Variants in RNF220 observed in about 807,000 individuals in gnomAD.
The protein encoded by RNF220 is E3 ubiquitin-protein ligase RNF220.
Under a neutral mutation model 67.1 loss-of-function variants are expected in RNF220, and 7 were observed. That is an observed-to-expected ratio of 0.10 (90% confidence interval 0.06 to 0.20). RNF220 has a LOEUF of 0.20. Ranked by LOEUF, RNF220 falls within the 10% of genes least tolerant of loss-of-function variation. The pLI is 1.00. For synonymous variants in RNF220, 270 were observed against 283.2 expected (o/e 0.95, Z 0.47); for missense variants, 565 against 740.3 (o/e 0.76, Z 2.75).
intron 2 of RNF220, among the ~76,000 whole-genome samples, chr1:44,603,713 T>A (rs1236222242): frequency 1.3e-5 from 2 of 152,244 alleles, no homozygotes; most frequent in African/African-American, 2.4e-5. Context: ...CTTTTCTTCC[T>A]CTACCTCCCT....
chr1:44,640,972 G>T (rs947357958), intron 8 of RNF220, among the ~76,000 whole-genome samples: 3 of 152,102 alleles, frequency 2.0e-5, no homozygotes, highest in African/African-American at 7.2e-5. Context: ...GTTCCAGGAC[G>T]ATACTGCCCC....
At chr1:44,560,820 C>T (rs941606271) in intron 2 of RNF220, among the ~76,000 whole-genome samples, 4 of 152,134 alleles carry the variant, frequency 2.6e-5, no homozygotes, top group Non-Finnish European at 4.4e-5. Context: ...CTCAGCCTCC[C>T]AAAGTGCTGG....
At chr1:44,636,355 T>C in intron 8 of RNF220, 193 bp downstream of exon 8, 1 of 777,534 alleles carries the variant, frequency 1.3e-6, no homozygotes, top group Non-Finnish European at 2.3e-6. Context: ...TGGATGTATT[T>C]GGGTGGGGAA....
At chr1:44,612,457 A>G (rs568006826) in intron 2 of RNF220, among the ~76,000 whole-genome samples, 5 of 152,272 alleles carry the variant, frequency 3.3e-5, no homozygotes, top group Admixed American at 1.3e-4. Flanking sequence ...TCTTTTTTCC[A>G]GTCCTCAAAA....
chr1:44,641,585 A>T (rs1270469738), intron 8 of RNF220, among the ~76,000 whole-genome samples: 1 of 152,204 alleles, frequency 6.6e-6, no homozygotes, highest in African/African-American at 2.4e-5. Context: ...GAGGGGGGGC[A>T]AGCTGGCGGG....
At chr1:44,481,821 A>C (rs569772752) in intron 2 of RNF220, among the ~76,000 whole-genome samples, 28 of 152,306 alleles carry the variant, frequency 1.8e-4, no homozygotes, top group African/African-American at 6.7e-4. Flanking sequence ...GGCAAAGAAA[A>C]AGACTGACAG....
chr1:44,494,355 G>A (rs979379438), intron 2 of RNF220, among the ~76,000 whole-genome samples: 4 of 152,092 alleles, frequency 2.6e-5, no homozygotes, highest in African/African-American at 9.7e-5. Context: ...GTACAAGCGA[G>A]AAAAAGAAAT....
In RNF220 at chr1:44,417,720, C is replaced by G. The variant is rs1350250871; in HGVS notation, c.625+4998C>G. ...CCGCCCGCCAGCCCCTCGCCGCTGC[C>G]GGCAGAAGGGTGGCTGGTAATTGAT... is the stretch of plus-strand genomic sequence containing the variant. On this transcript the variant is annotated intron_variant, in intron 2 of 14. Coordinates refer to ENST00000361799, the MANE Select transcript of RNF220 (RefSeq NM_018150.4). This position sits in a 1 kb window ranked among gnomAD's most constrained non-coding sequence, Gnocchi z 4.0. 3.3e-5 allele frequency among the ~76,000 whole-genome samples: 5 copies of G among 152,210 alleles called. No individual in the cohort carries two copies. Among genetic ancestry groups the G allele is most frequent in the Non-Finnish European group, 7.3e-5 (5 of 68,038 alleles).
intron 2 of RNF220, among the ~76,000 whole-genome samples, chr1:44,546,142 CA>C (rs1199991901): frequency 1.3e-5 from 2 of 152,168 alleles, no homozygotes; most frequent in Non-Finnish European, 1.5e-5. Flanking sequence ...AGATGACTCA[CA>C]CTGCTTGCCA....
intron 2 of RNF220, among the ~76,000 whole-genome samples, chr1:44,592,141 CAGAG>C (rs371754571): frequency 1.6e-4 from 25 of 152,072 alleles, no homozygotes; most frequent in African/African-American, 5.8e-4. Flanking sequence ...GACCAACAGA[CAGAG>C]AGAGAGAGGG....
rs1339002480 is a variant in RNF220 at position 44,420,606 on chromosome 1, A to G, written c.625+7884A>G. On this transcript the variant is annotated intron_variant, in intron 2 of 14. Transcript: ENST00000361799. Reference sequence around the variant, plus strand: ...CTGTATTTGCCCCCTTTGAGCCTCAACTCGAAGGTGTTTCAGATCAAAGGT... The same window carrying G: ...CTGTATTTGCCCCCTTTGAGCCTCAGCTCGAAGGTGTTTCAGATCAAAGGT... Among the ~76,000 whole-genome samples, 9 of 152,290 alleles carry G rather than the reference A, an allele frequency of 5.9e-5. No individual in the cohort carries two copies. The East Asian group carries it at 1.7e-3, about 29-fold the overall frequency.
chr1:44,525,994 C>T (rs548979621), intron 2 of RNF220, among the ~76,000 whole-genome samples: 4 of 152,294 alleles, frequency 2.6e-5, no homozygotes, highest in African/African-American at 7.2e-5. Context: ...ATTTAACAAG[C>T]CCACCATTCC....
chr1:44,501,879 A>G (rs983070236), intron 2 of RNF220, among the ~76,000 whole-genome samples: 5 of 152,162 alleles, frequency 3.3e-5, no homozygotes, highest in African/African-American at 4.8e-5. Context: ...AAAAAGAAGC[A>G]TAAAAATGTG....
intron 2 of RNF220, among the ~76,000 whole-genome samples, chr1:44,485,766 G>C (rs1208979857): frequency 6.6e-6 from 1 of 152,188 alleles, no homozygotes; most frequent in Non-Finnish European, 1.5e-5. Context: ...GACAGGTTTA[G>C]GGCCTGCTTT....
chr1:44,633,339 G>A (rs1644225670), intron 6 of RNF220, among the ~76,000 whole-genome samples: 2 of 152,210 alleles, frequency 1.3e-5, no homozygotes, highest in African/African-American at 4.8e-5. Context: ...ACTGAGCCAT[G>A]ATTCAATTGA....
chr1:44,530,531 C>CAAAA (rs34069585), intron 2 of RNF220, among the ~76,000 whole-genome samples: 1 of 136,454 alleles, frequency 7.3e-6, no homozygotes. Flanking sequence ...GTCAAATCTG[C>CAAAA]AAAAAAAAAA....
At chr1:44,413,478 G>A (rs1392758626) in intron 2 of RNF220, among the ~76,000 whole-genome samples, 1 of 152,108 alleles carries the variant, frequency 6.6e-6, no homozygotes, top group African/African-American at 2.4e-5. Flanking sequence ...GCCTTGTTGG[G>A]CTCTGGCTAC....
intron 2 of RNF220, among the ~76,000 whole-genome samples, chr1:44,588,345 T>C (rs919687780): frequency 6.6e-6 from 1 of 152,208 alleles, no homozygotes. Context: ...AGGCCTGTCC[T>C]GCATCCCGGG....
intron 2 of RNF220, among the ~76,000 whole-genome samples, chr1:44,419,013 A>G (rs977716121): frequency 6.6e-6 from 1 of 152,208 alleles, no homozygotes; most frequent in African/African-American, 2.4e-5. Context: ...ATTGCATTGT[A>G]AAATCCACAG....
Sources: allele counts gnomAD v4.1 joint callset (sites outside exome capture counted in the v4.1 genomes callset), GRCh38; gene constraint gnomAD v4.1.1; non-coding constraint Gnocchi (gnomAD v3.1); transcripts MANE v1.5; gene names NCBI Gene and HGNC (gene_info 2026-07-23, HGNC 2026-07-21).